CTNS: variants seen among roughly 807,000 people sequenced by gnomAD.
The protein encoded by CTNS is cystinosin, lysosomal cystine transporter, also known as cystinosin.
CTNS carries 27 observed loss-of-function variants against 43.7 expected under a neutral mutation model. The observed-to-expected ratio is 0.62, with a 90% CI of 0.46 to 0.85. The LOEUF is 0.85. Ranked by LOEUF, CTNS falls within the 40% of genes least tolerant of loss-of-function variation. The pLI is 0.00. For synonymous variants in CTNS, 187 were observed against 190.6 expected (o/e 0.98, Z 0.16); for missense variants, 457 against 475.4 (o/e 0.96, Z 0.36).
intron 3 of CTNS, among the ~76,000 whole-genome samples, chr17:3,646,523 G>A (rs1457635548): frequency 6.6e-6 from 1 of 152,068 alleles, no homozygotes; most frequent in African/African-American, 2.4e-5. Context: ...CTCTGACCTC[G>A]TGATCCACCT....
chr17:3,658,274 A>T, intron 10 of CTNS, 99 bp downstream of exon 10: 1 of 1,505,774 alleles, frequency 6.6e-7, no homozygotes, highest in East Asian at 2.4e-5. Flanking sequence ...CGGCGTGAGG[A>T]AACAGGACGG....
intron 3 of CTNS, among the ~76,000 whole-genome samples, chr17:3,642,122 T>C (rs322953): frequency 0.99 from 145,576 of 146,410 alleles, 72,375 homozygotes; most frequent in Non-Finnish European, 1. Context: ...TGTGTCTGCG[T>C]GCATGTATGT....
intron 10 of CTNS, among the ~76,000 whole-genome samples, chr17:3,659,352 G>A (rs1056191335): frequency 2.6e-5 from 4 of 152,190 alleles, no homozygotes; most frequent in East Asian, 3.9e-4. Context: ...CGTTAACCCC[G>A]CTCTACAGAC....
intron 2 of CTNS, among the ~76,000 whole-genome samples, chr17:3,638,211 G>A (rs887803501): frequency 6.6e-5 from 10 of 151,074 alleles, no homozygotes; most frequent in Non-Finnish European, 4.4e-5. Flanking sequence ...CTAGTTGTAT[G>A]TAATTATCAA....
At chr17:3,649,291 T>G (rs1352891957) in intron 5 of CTNS, among the ~76,000 whole-genome samples, 7 of 151,710 alleles carry the variant, frequency 4.6e-5, no homozygotes, top group Admixed American at 4.6e-4. Flanking sequence ...TCTACTAAAG[T>G]AAATACAAAA....
intron 7 of CTNS, 176 bp downstream of exon 7, chr17:3,655,528 G>T: frequency 1.1e-6 from 1 of 913,582 alleles, no homozygotes; most frequent in Non-Finnish European, 1.7e-6. Context: ...TTCCCGTGCT[G>T]GGCGTTTCAT....
At position 3,640,273 on chromosome 17, in the gene CTNS, T is replaced by G; in HGVS notation, c.61+6T>G. ...GAAGCTCGTAGAGAAATGTGGTAAG[T>G]TTAGAAATGACACGTCAACTTTGTA... On this transcript the variant is annotated splice_donor_region_variant and intron_variant, in intron 3 of 11. Coordinates refer to ENST00000046640, the MANE Select transcript of CTNS (RefSeq NM_004937.3). 1 of 1,613,276 alleles carries G rather than the reference T, an allele frequency of 6.2e-7. No homozygotes were observed. Among genetic ancestry groups the G allele is most frequent in the Non-Finnish European group, 8.5e-7 (1 of 1,179,192 alleles).
chr17:3,662,354 T>C lies in CTNS; in HGVS notation c.*1985T>C. 6.6e-6 allele frequency among the ~76,000 whole-genome samples: 1 copy of C among 152,186 alleles called. No individual in the cohort carries two copies. Among genetic ancestry groups the C allele is most frequent in the East Asian group, 1.9e-4 (1 of 5,168 alleles). ...ATTGACTTTTCTTTAAAATCTGATT[T>C]GGCAGTGCTAGGTAGGTCCAGGAGT... On this transcript the variant is annotated 3_prime_UTR_variant, in exon 12 of 12. Coordinates refer to ENST00000046640, the MANE Select transcript of CTNS (RefSeq NM_004937.3).
intron 3 of CTNS, among the ~76,000 whole-genome samples, chr17:3,645,750 C>A (rs965140714): frequency 4.0e-5 from 6 of 151,060 alleles, no homozygotes; most frequent in African/African-American, 1.5e-4. Flanking sequence ...ATTCCAGCTA[C>A]TTGGAAGGCT....
chr17:3,647,581 G>A lies in CTNS; in HGVS notation c.140+59G>A. On this transcript the variant is annotated intron_variant, in intron 4 of 11. Transcript: ENST00000046640. ...CGCTCAGGCCCCGCAGCTGGGTCAG[G>A]GCTGACCCCTGGCTCAGTCTGTTCA... 4 of 1,433,904 alleles carry A rather than the reference G, an allele frequency of 2.8e-6. No individual in the cohort carries two copies. The South Asian group carries it at 3.4e-5, about 12-fold the overall frequency. 88.8% of individuals were successfully genotyped at this position (1,433,904 alleles called of 1,614,324 possible). A position where few individuals can be genotyped will look rare whatever the true frequency, so the allele number is the denominator to read the frequency against.
chr17:3,642,710 A>G lies in CTNS; in HGVS notation c.61+2443A>G, dbSNP rs888606342. ...CTCAAAAAGAAAAAAGGAAAGAAGA[A>G]TGGAAGCCACCATAAAATCAAGTCA... On this transcript the variant is annotated intron_variant, in intron 3 of 11. Coordinates refer to ENST00000046640, the MANE Select transcript of CTNS (RefSeq NM_004937.3). Among the ~76,000 whole-genome samples the G allele has an allele frequency of 9.2e-5, 14 of 152,190 alleles. 3 individuals are homozygous for G. The highest frequency in any genetic ancestry group is 2.0e-4 in the Admixed American group (3 of 15,288).
chr17:3,638,222 T>C (rs2075586265), intron 2 of CTNS, among the ~76,000 whole-genome samples: 1 of 143,670 alleles, frequency 7.0e-6, no homozygotes, highest in African/African-American at 2.5e-5. Context: ...TAATTATCAA[T>C]CTGGTTTTTT....
chr17:3,644,173 T>C (rs925269374), intron 3 of CTNS, among the ~76,000 whole-genome samples: 3 of 152,220 alleles, frequency 2.0e-5, no homozygotes, highest in Non-Finnish European at 4.4e-5. Flanking sequence ...CTGGGCTTTG[T>C]GGAAAACATG....
At chr17:3,642,064 C>CGTCTGT (rs1555558861) in intron 3 of CTNS, among the ~76,000 whole-genome samples, 2 of 139,782 alleles carry the variant, frequency 1.4e-5, no homozygotes, top group Non-Finnish European at 3.1e-5. Flanking sequence ...TGTACCCGGG[C>CGTCTGT]GTGTGTGTGT....
intron 3 of CTNS, among the ~76,000 whole-genome samples, chr17:3,646,291 T>TC (rs1337204187): frequency 1.3e-5 from 1 of 77,000 alleles, no homozygotes; most frequent in Non-Finnish European, 3.8e-5. Context: ...GGGTTTTCTT[T>TC]CTTTTTTTTT....
intron 7 of CTNS, 184 bp downstream of exon 7, chr17:3,655,536 C>A: frequency 1.2e-6 from 1 of 800,644 alleles, no homozygotes; most frequent in East Asian, 2.8e-5. Context: ...CTGGGCGTTT[C>A]ATCCCTTGCC....
intron 9 of CTNS, among the ~76,000 whole-genome samples, chr17:3,657,238 G>A (rs2076171081): frequency 6.6e-6 from 1 of 152,232 alleles, no homozygotes; most frequent in South Asian, 2.1e-4. Flanking sequence ...CAGAGGCCAA[G>A]GGGCATTTGA....
chr17:3,641,384 ATTTTTT>A (rs869072123), intron 3 of CTNS, among the ~76,000 whole-genome samples: 71 of 31,176 alleles, frequency 2.3e-3, no homozygotes, highest in East Asian at 7.7e-3. Context: ...ATATATATAT[ATTTTTT>A]TTTTTTTTTT....
chr17:3,651,241 C>T (rs2075974748), intron 5 of CTNS, among the ~76,000 whole-genome samples: 1 of 151,954 alleles, frequency 6.6e-6, no homozygotes, highest in Non-Finnish European at 1.5e-5. Flanking sequence ...ATTACAGGCA[C>T]ACACCACCAC....
Sources: allele counts gnomAD v4.1 joint callset (sites outside exome capture counted in the v4.1 genomes callset), GRCh38; gene constraint gnomAD v4.1.1; transcripts MANE v1.5; gene names NCBI Gene and HGNC (gene_info 2026-07-23, HGNC 2026-07-21).